ZFAT: variants seen among roughly 807,000 people sequenced by gnomAD.
The protein encoded by ZFAT is zinc finger and AT-hook domain containing.
A neutral mutation model predicts 117.7 loss-of-function variants in ZFAT; 64 were observed. That is an observed-to-expected ratio of 0.54 (90% CI 0.44 to 0.67). ZFAT has a LOEUF of 0.67. ZFAT is among the 30% of genes least tolerant of loss of function. The pLI is 0.00. For missense variants in ZFAT, 1,433 were observed against 1,584.5 expected (o/e 0.90, Z 1.62); for synonymous variants, 679 against 615.0 (o/e 1.10, Z -1.54).
intron 10 of ZFAT, among the ~76,000 whole-genome samples, chr8:134,571,458 A>AATGAGTTTCTGTCAACTGCAACCAAT (rs148673345): frequency 0.087 from 13,089 of 151,080 alleles, 921 homozygotes; most frequent in East Asian, 0.35. Context: ...TGTGACCTCA[A>AATGAGTTTCTGTCAACTGCAACCAAT]ATGAGTTTCT....
At chr8:134,539,732 T>C (rs77266489) in intron 11 of ZFAT, among the ~76,000 whole-genome samples, 3,768 of 152,274 alleles carry the variant, frequency 0.025, 152 homozygotes, top group African/African-American at 0.087. Flanking sequence ...ACACTGCTGA[T>C]AGAAGTGGTG....
chr8:134,660,010 AT>A lies in ZFAT; in HGVS notation c.20-2274del, dbSNP rs199957577. 5.3e-5 allele frequency among the ~76,000 whole-genome samples: 8 copies of A among 152,260 alleles called. No individual in the cohort carries two copies. In the East Asian group the frequency reaches 1.5e-3, roughly 29 times the overall value. ...CTCACAGATACTGCCAATCGATATT[AT>A]TTTTTTCCAGGAAACGTTCTATTCC... On this transcript the variant is annotated intron_variant, in intron 1 of 15. Coordinates refer to ENST00000377838, the MANE Select transcript of ZFAT (RefSeq NM_020863.4).
chr8:134,723,598 G>A, the ZFAT span: 2 of 152,428 alleles, frequency 1.3e-5, no homozygotes, highest in Non-Finnish European at 1.5e-5. Flanking sequence ...ACCGTACTCC[G>A]CTCCTGCCCT....
At chr8:134,738,271 G>T in the ZFAT span, among the ~76,000 whole-genome samples, 1 of 152,080 alleles carries the variant, frequency 6.6e-6, no homozygotes, top group East Asian at 1.9e-4. Flanking sequence ...CAAGCTTGGG[G>T]GTTGAAATCA....
At chr8:134,793,404 TTC>T in the ZFAT span, 1 of 152,224 alleles carries the variant, frequency 6.6e-6, no homozygotes, top group South Asian at 2.1e-4. Context: ...ATGGGATATT[TTC>T]TGAGTGCTTG....
chr8:134,492,974 A>G (rs377765053), intron 15 of ZFAT, among the ~76,000 whole-genome samples: 2 of 152,216 alleles, frequency 1.3e-5, no homozygotes, highest in African/African-American at 4.8e-5. Flanking sequence ...ACAGGAAGTG[A>G]GGAAGGCCAT....
the ZFAT span, among the ~76,000 whole-genome samples, chr8:134,791,074 C>T: frequency 2.0e-5 from 3 of 152,156 alleles, no homozygotes; most frequent in African/African-American, 7.2e-5. Flanking sequence ...AAAGAGGCCC[C>T]GAGAACACAT....
At chr8:134,638,282 C>T (rs972470276) in intron 2 of ZFAT, among the ~76,000 whole-genome samples, 1 of 152,128 alleles carries the variant, frequency 6.6e-6, no homozygotes, top group Admixed American at 6.5e-5. Flanking sequence ...TCCTAGCGAC[C>T]TAGTGATTTT....
In ZFAT at chr8:134,712,876, C is replaced by T. The variant is rs565085593; in HGVS notation, c.-13G>A. The stretch of plus-strand genomic sequence containing the variant: ...CCCGCGTCTCCATGGCAACGCCCCA[C>T]CGCGGAGGAAAAAAAAGCCTCGGGC... On this transcript the variant is annotated 5_prime_UTR_variant, in exon 1 of 16. It adds an upstream start codon to the 5' untranslated region. Transcript: ENST00000377838. 6.6e-7 allele frequency: 1 copy of T among 1,508,540 alleles called. No homozygotes were observed. The highest frequency in any genetic ancestry group is 1.4e-5 in the African/African-American group (1 of 69,270). The allele number at this position is 1,508,540 out of a possible 1,614,324, so 93.4% of individuals were successfully genotyped here. A position where few individuals can be genotyped will look rare whatever the true frequency, so the allele number is the denominator to read the frequency against.
chr8:134,644,259 G>A (rs1830746465), intron 2 of ZFAT, among the ~76,000 whole-genome samples: 1 of 152,108 alleles, frequency 6.6e-6, no homozygotes, highest in Non-Finnish European at 1.5e-5. Context: ...CTAAAGAGAT[G>A]GAAAGGGGGA....
In ZFAT at chr8:134,509,682, A is replaced by C; in HGVS notation, c.3429T>G (p.His1143Gln). The part of the protein sequence containing the change: ...QQIIELGAET[H>Q]DATALASVVA... ...CCACCGAGGCAAGGGCAGTGGCGTCATGGGTCTCGGCGCCCAGCTCAATGA... is the reference window on the plus strand; with the variant it reads ...CCACCGAGGCAAGGGCAGTGGCGTCCTGGGTCTCGGCGCCCAGCTCAATGA... Residue 1143 changes from histidine (H) to glutamine (Q), a missense_variant, in exon 15 of 16, where the codon CAT (histidine) becomes CAG (glutamine). This residue lies in a region of ZFAT where 503 missense variants were observed against 543.4 expected (regional missense o/e 0.93). Coordinates refer to ENST00000377838, the MANE Select transcript of ZFAT (RefSeq NM_020863.4). 1 of 1,612,976 alleles carries C rather than the reference A, an allele frequency of 6.2e-7. No homozygotes were observed. Among genetic ancestry groups the C allele is most frequent in the Non-Finnish European group, 8.5e-7 (1 of 1,179,582 alleles).
At chr8:134,657,843 A>G in intron 1 of ZFAT, 106 bp from the exon 2 acceptor site, 5 of 1,212,420 alleles carry the variant, frequency 4.1e-6, no homozygotes, top group Non-Finnish European at 5.7e-6. Context: ...AGCCATCACC[A>G]GCCTCTACCA....
intron 3 of ZFAT, among the ~76,000 whole-genome samples, chr8:134,612,580 G>A (rs1007910261): frequency 2.0e-5 from 3 of 152,194 alleles, no homozygotes; most frequent in African/African-American, 7.2e-5. Flanking sequence ...GTTCTATAAA[G>A]TTTTTTTGGT....
chr8:134,712,721 G>C (rs1233740752), intron 1 of ZFAT, 124 bp downstream of exon 1: 29 of 681,488 alleles, frequency 4.3e-5, no homozygotes, highest in Non-Finnish European at 5.2e-5. Flanking sequence ...ATCCCTCCGC[G>C]GCCGGCGGCC....
chr8:134,795,800 T>C, the ZFAT span: 1 of 152,226 alleles, frequency 6.6e-6, no homozygotes, highest in Admixed American at 6.5e-5. Flanking sequence ...AAGGTCCAGT[T>C]TCTAGGTAAA....
chr8:134,719,355 G>A, the ZFAT span, among the ~76,000 whole-genome samples: 2 of 152,284 alleles, frequency 1.3e-5, no homozygotes, highest in Non-Finnish European at 2.9e-5. Flanking sequence ...AGGGGTTGGT[G>A]GAAGGGAAAT....
chr8:134,792,060 T>C, the ZFAT span: 13 of 152,228 alleles, frequency 8.5e-5, no homozygotes, highest in East Asian at 2.5e-3. Flanking sequence ...TGGAGTAAAA[T>C]TGGTAGAATA....
the ZFAT span, among the ~76,000 whole-genome samples, chr8:134,827,819 C>T: frequency 8.7e-5 from 13 of 149,088 alleles, no homozygotes; most frequent in African/African-American, 3.2e-4. Context: ...CCCCAGTTTA[C>T]ATAAAGTATG....
Position 134,680,261 on chromosome 8 carries a change from C to CAAAAAAAAAAAAA in ZFAT, c.20-22537_20-22525dup, listed in dbSNP as rs35292754. Among the ~76,000 whole-genome samples, 3 of 48,936 alleles carry CAAAAAAAAAAAAA rather than the reference C, an allele frequency of 6.1e-5. 1 individual carries two copies. Among genetic ancestry groups the CAAAAAAAAAAAAA allele is most frequent in the Non-Finnish European group, 7.7e-5 (2 of 26,056 alleles). 32.1% of individuals were successfully genotyped at this position (48,936 alleles called of 152,430 possible). A position where few individuals can be genotyped will look rare whatever the true frequency, so the allele number is the denominator to read the frequency against. On this transcript the variant is annotated intron_variant, in intron 1 of 15. Coordinates refer to ENST00000377838, the MANE Select transcript of ZFAT (RefSeq NM_020863.4). The stretch of plus-strand genomic sequence containing the variant: ...TGGGTGACAGAGCCAGACTCCCCCT[C>CAAAAAAAAAAAAA]AAAAAAAAAAAAAAAAAAAAGAATT...
Sources: gnomAD v4.1 joint callset for allele counts (sites outside exome capture counted in the v4.1 genomes callset) on GRCh38, gnomAD v4.1.1 for gene constraint, gnomAD v4.1.1 regional missense constraint, MANE v1.5 for transcripts, NCBI Gene and HGNC (gene_info 2026-07-23, HGNC 2026-07-21) for gene names.